The following INVS variants were observed in gnomAD, a reference collection of about 807,000 sequenced individuals.
INVS encodes inversion of embryo turning homolog.
INVS carries 86 observed loss-of-function variants against 108.8 expected under a neutral mutation model. That is an observed-to-expected ratio of 0.79 (90% CI 0.66 to 0.95). The LOEUF is 0.95. INVS is among the 40% of genes least tolerant of loss of function. The pLI is 0.00. For synonymous variants in INVS, 455 were observed against 473.5 expected (o/e 0.96, Z 0.51); for missense variants, 1,169 against 1,297.4 (o/e 0.90, Z 1.52).
At chr9:100,195,053 A>G (rs1002252582) in intron 3 of INVS, among the ~76,000 whole-genome samples, 2 of 152,198 alleles carry the variant, frequency 1.3e-5, no homozygotes, top group Non-Finnish European at 2.9e-5. Flanking sequence ...TTCCTCTGCT[A>G]TTATTTGTAG....
intron 3 of INVS, among the ~76,000 whole-genome samples, chr9:100,200,801 C>A (rs1184343224): frequency 6.6e-6 from 1 of 152,172 alleles, no homozygotes; most frequent in Non-Finnish European, 1.5e-5. Context: ...GGGGCTTCCC[C>A]TTTTTGGCTC....
At chr9:100,103,700 G>A (rs1827084704) in intron 1 of INVS, among the ~76,000 whole-genome samples, 1 of 142,500 alleles carries the variant, frequency 7.0e-6, no homozygotes, top group African/African-American at 2.6e-5. Flanking sequence ...GGGAGGGGAG[G>A]CGAGGGGAAG....
intron 3 of INVS, chr9:100,175,755 TG>T (rs746966594): frequency 1.3e-4 from 85 of 632,062 alleles, no homozygotes; most frequent in Non-Finnish European, 2.3e-4. Context: ...CAGTTCGGCC[TG>T]GGGCAACCAG....
At chr9:100,290,088 T>G (rs1032013058) in intron 13 of INVS, among the ~76,000 whole-genome samples, 1 of 151,316 alleles carries the variant, frequency 6.6e-6, no homozygotes, top group African/African-American at 2.4e-5. Flanking sequence ...TAGTTTTAGT[T>G]TTTTTTTTGG....
chr9:100,138,560 C>T (rs556761513), intron 3 of INVS, among the ~76,000 whole-genome samples: 58 of 152,062 alleles, frequency 3.8e-4, no homozygotes, highest in African/African-American at 1.2e-3. Context: ...CTACCCTTTC[C>T]GGCTCTGTCA....
intron 7 of INVS, among the ~76,000 whole-genome samples, chr9:100,243,750 C>T (rs948867361): frequency 6.6e-6 from 1 of 152,152 alleles, no homozygotes; most frequent in African/African-American, 2.4e-5. Flanking sequence ...TAGCTCACAC[C>T]TGTAATCCCA....
At chr9:100,221,713 C>CT (rs374613606) in intron 3 of INVS, among the ~76,000 whole-genome samples, 40 of 151,984 alleles carry the variant, frequency 2.6e-4, no homozygotes, top group African/African-American at 8.7e-4. Context: ...CAAACCACTA[C>CT]TGTAATTCCC....
intron 3 of INVS, among the ~76,000 whole-genome samples, chr9:100,141,192 G>A (rs1588032861): frequency 6.6e-6 from 1 of 152,178 alleles, no homozygotes; most frequent in East Asian, 1.9e-4. Flanking sequence ...GTTGGTCTTG[G>A]AATGATACTG....
Position 100,300,877 on chromosome 9 carries a change from A to G in INVS, c.*203A>G, listed in dbSNP as rs946934592. On this transcript the variant is annotated 3_prime_UTR_variant, in exon 17 of 17. Transcript: ENST00000262457. ...ACAGCATTGTTTTGTCAATCAACAC[A>G]GCCTGCACTGAAAGGACCTGCATAG... The G allele has an allele frequency of 1.8e-5, 11 of 609,592 alleles. No homozygotes were observed. Among genetic ancestry groups the G allele is most frequent in the Non-Finnish European group, 3.2e-5 (11 of 341,220 alleles). 37.8% of individuals were successfully genotyped at this position (609,592 alleles called of 1,614,324 possible). A position where few individuals can be genotyped will look rare whatever the true frequency, so the allele number is the denominator to read the frequency against.
chr9:100,194,376 T>A (rs1285867202), intron 3 of INVS, among the ~76,000 whole-genome samples: 2 of 152,240 alleles, frequency 1.3e-5, no homozygotes, highest in Non-Finnish European at 2.9e-5. Context: ...TTTGTAGGTC[T>A]TTGATCTTTT....
intron 10 of INVS, among the ~76,000 whole-genome samples, chr9:100,257,503 C>T (rs1016578509): frequency 1.4e-4 from 22 of 152,188 alleles, no homozygotes; most frequent in African/African-American, 4.3e-4. Context: ...TTCTTAGCAT[C>T]GATGGTCTTT....
intron 2 of INVS, 137 bp downstream of exon 2, chr9:100,104,764 C>A: frequency 1.4e-6 from 1 of 718,042 alleles, no homozygotes; most frequent in Non-Finnish European, 2.5e-6. Flanking sequence ...TCTTCCAACA[C>A]ATGAACAAGA....
chr9:100,104,175 A>G (rs1218658909), intron 1 of INVS, among the ~76,000 whole-genome samples: 2 of 152,098 alleles, frequency 1.3e-5, no homozygotes, highest in Non-Finnish European at 2.9e-5. Flanking sequence ...TACAAAAGTC[A>G]CCTAATTTGC....
At chr9:100,195,041 C>T (rs900068917) in intron 3 of INVS, among the ~76,000 whole-genome samples, 1 of 152,256 alleles carries the variant, frequency 6.6e-6, no homozygotes, top group East Asian at 1.9e-4. Flanking sequence ...GTGAAGAGCC[C>T]CTTCCTCTGC....
At chr9:100,186,649 C>T (rs1564149897) in intron 3 of INVS, among the ~76,000 whole-genome samples, 1 of 151,790 alleles carries the variant, frequency 6.6e-6, no homozygotes, top group East Asian at 1.9e-4. Context: ...CAGATGTTGG[C>T]CATTTGTATA....
chr9:100,159,556 C>T (rs1343468538), intron 3 of INVS, among the ~76,000 whole-genome samples: 1 of 152,172 alleles, frequency 6.6e-6, no homozygotes, highest in African/African-American at 2.4e-5. Flanking sequence ...TAACCAATTA[C>T]CTCCTATTTG....
intron 3 of INVS, among the ~76,000 whole-genome samples, chr9:100,202,577 C>G (rs998905761): frequency 6.6e-6 from 1 of 152,092 alleles, no homozygotes; most frequent in Non-Finnish European, 1.5e-5. Context: ...TCTTCTTTCT[C>G]TCTTCCCTCT....
chr9:100,114,215 T>C (rs548981828), intron 2 of INVS, among the ~76,000 whole-genome samples: 26 of 152,262 alleles, frequency 1.7e-4, no homozygotes, highest in African/African-American at 6.0e-4. Context: ...AGAACAATTC[T>C]ATCATGCCCC....
chr9:100,232,238 A>G (rs1831536150), intron 5 of INVS, among the ~76,000 whole-genome samples: 1 of 151,258 alleles, frequency 6.6e-6, no homozygotes, highest in African/African-American at 2.4e-5. Flanking sequence ...TTCCTTGTAG[A>G]TTCTGGATAT....
Sources: allele counts gnomAD v4.1 joint callset (sites outside exome capture counted in the v4.1 genomes callset), GRCh38; gene constraint gnomAD v4.1.1; transcripts MANE v1.5; gene names NCBI Gene and HGNC (gene_info 2026-07-23, HGNC 2026-07-21).